Variants in MKI67 observed in about 807,000 individuals in gnomAD.
The protein encoded by MKI67 is marker of proliferation Ki-67.
Under a neutral mutation model 233.5 loss-of-function variants are expected in MKI67, and 152 were observed. That is an observed-to-expected ratio of 0.65 (90% CI 0.57 to 0.74). MKI67 has a LOEUF of 0.74. Ranked by LOEUF, MKI67 falls within the 30% of genes least tolerant of loss-of-function variation. The pLI, the probability that MKI67 is intolerant of heterozygous loss-of-function variation, is 0.00. For missense variants in MKI67, 3,940 were observed against 3,885.2 expected (o/e 1.01, Z -0.37); for synonymous variants, 1,465 against 1,418.5 (o/e 1.03, Z -0.74).
intron 12 of MKI67, 42 bp from the exon 13 acceptor site, chr10:128,109,465 C>G (rs115140786): frequency 1.3e-6 from 2 of 1,566,514 alleles, no homozygotes; most frequent in Non-Finnish European, 1.7e-6. Flanking sequence ...CTATTAGTGT[C>G]TCATGTCAAT....
chr10:128,106,971 G>C lies in MKI67; in HGVS notation c.4869C>G (p.Asp1623Glu), dbSNP rs1852515268. Residue 1623 changes from aspartate to glutamate, a missense_variant, in exon 13 of 15, where the codon GAC (aspartate) becomes GAG (glutamate). Coordinates refer to ENST00000368654, the MANE Select transcript of MKI67 (RefSeq NM_002417.5). Reference sequence around the variant, plus strand: ...GTCGCTTGGAGCTTGCTGGGTTTTTGTCTGGGTCTGGTTGTGAAGATTTGC... The same window carrying C: ...GTCGCTTGGAGCTTGCTGGGTTTTTCTCTGGGTCTGGTTGTGAAGATTTGC... ...VACKSSQPDP[D>E]KNPASSKRRL... is the part of the protein sequence containing the mutation. 1 of 1,613,886 alleles carries C rather than the reference G, an allele frequency of 6.2e-7. No individual in the cohort carries two copies. Among genetic ancestry groups the C allele is most frequent in the South Asian group, 1.1e-5 (1 of 91,070 alleles).
At chr10:128,118,006 A>G (rs1206251998) in intron 5 of MKI67, among the ~76,000 whole-genome samples, 1 of 152,200 alleles carries the variant, frequency 6.6e-6, no homozygotes, top group Non-Finnish European at 1.5e-5. Flanking sequence ...TGGTGGCTAC[A>G]GTGTGGGATG....
chr10:128,125,651 C>A lies in MKI67; in HGVS notation c.17G>T (p.Arg6Leu). The change falls in exon 2 of 15, where the codon CGC (arginine) becomes CTC (leucine). Residue 6 changes from arginine to leucine, a missense_variant. Physicochemically the swap from Arg to Leu is moderately radical, Grantham distance 102. Transcript: ENST00000368654. This position sits in a 1 kb window ranked among gnomAD's most constrained non-coding sequence, Gnocchi z 5.3. ...CCCGCTCCTTTTGATAGTAACCAGG[C>A]GTCTCGTGGGCCACATTTTCTAAAC... is the stretch of plus-strand genomic sequence containing the variant. MWPTR[R>L]LVTIKRSGVD... 6.2e-7 allele frequency: 1 copy of A among 1,613,704 alleles called. No individual in the cohort carries two copies. The highest frequency in any genetic ancestry group is 8.5e-7 in the Non-Finnish European group (1 of 1,179,816).
At position 128,101,450 on chromosome 10, in the gene MKI67, C is replaced by T. The variant is rs1401293241; in HGVS notation, c.9513G>A (p.Glu3171=). The T allele has an allele frequency of 6.2e-6, 10 of 1,614,226 alleles. No homozygotes were observed. Among genetic ancestry groups the T allele is most frequent in the Non-Finnish European group, 8.5e-6 (10 of 1,180,034 alleles). ...TCGCACTCTTCTGCCCTCCGCTCTC[C>T]TCTGCCACCTTAGGCTGGGAGCTCT... ...QNESSQPKVA[E]ESGGQKSAKV... is the part of the protein sequence containing the mutation. The change falls in exon 14 of 15, where the codon GAG becomes GAA. Residue 3171 remains glutamate (E), a synonymous_variant. Transcript: ENST00000368654.
Position 128,106,900 on chromosome 10 carries a change from A to T in MKI67, c.4940T>A (p.Leu1647Gln). The change falls in exon 13 of 15, where the codon CTA becomes CAA. Residue 1647 changes from leucine to glutamine, a missense_variant. By Grantham distance (113) the Leu-to-Gln change is moderately radical. Transcript: ENST00000368654. ...LGKVGVKEEL[L>Q]AVGKLTQTSG... is the part of the protein sequence containing the mutation. Reference sequence around the variant, plus strand: ...TGTCTGTGTGAGCTTGCCAACTGCTAGGAGCTCTTCTTTCACGCCCACTTT... The same window carrying T: ...TGTCTGTGTGAGCTTGCCAACTGCTTGGAGCTCTTCTTTCACGCCCACTTT... 2.5e-6 allele frequency: 4 copies of T among 1,614,014 alleles called. No individual in the cohort carries two copies. The highest frequency in any genetic ancestry group is 3.4e-6 in the Non-Finnish European group (4 of 1,179,998).
At position 128,099,203 on chromosome 10, in the gene MKI67, C is replaced by T; in HGVS notation, c.9758G>A (p.Ser3253Asn). 6.2e-7 allele frequency: 1 copy of T among 1,612,330 alleles called. No individual in the cohort carries two copies. Among genetic ancestry groups the T allele is most frequent in the Non-Finnish European group, 8.5e-7 (1 of 1,179,130 alleles). ...TCGATTTTTCTGTCAAATATCTTCA[C>T]TGTCCCTATGACTTCTGGTTCTTAT... ...KKIRTRSHRD[S>N]EDI Residue 3253 changes from serine (S) to asparagine (N), a missense_variant, in exon 15 of 15, where the codon AGT (serine) becomes AAT (asparagine). Physicochemically the swap from Ser to Asn is conservative, Grantham distance 46 (BLOSUM62 1). Coordinates refer to ENST00000368654, the MANE Select transcript of MKI67 (RefSeq NM_002417.5).
Position 128,102,430 on chromosome 10 carries a change from T to C in MKI67, c.9261+149A>G, listed in dbSNP as rs1852354653. 1.3e-5 allele frequency: 13 copies of C among 964,320 alleles called. No individual in the cohort carries two copies. The South Asian group carries it at 2.0e-4, about 15-fold the overall frequency. The allele number at this position is 964,320 out of a possible 1,614,324, so 59.7% of individuals were successfully genotyped here. A position where few individuals can be genotyped will look rare whatever the true frequency, so the allele number is the denominator to read the frequency against. On this transcript the variant is annotated intron_variant, in intron 13 of 14. Transcript: ENST00000368654. ...CCCTCTATAGGTCCCAAGAAGATTC[T>C]TTACCATGGCCTGCAGTTATTCAGT...
intron 7 of MKI67, 51 bp downstream of exon 7, chr10:128,114,877 T>A: frequency 3.4e-6 from 5 of 1,470,816 alleles, no homozygotes; most frequent in Non-Finnish European, 4.6e-6. Flanking sequence ...CACAGCTACA[T>A]AGAAGGTGTT....
chr10:128,103,267 A>G lies in MKI67; in HGVS notation c.8573T>C (p.Val2858Ala). Residue 2858 changes from valine to alanine, a missense_variant, in exon 13 of 15, where the codon GTT becomes GCT. Physicochemically the swap from Val to Ala is moderately conservative, Grantham distance 64 (BLOSUM62 0). Coordinates refer to ENST00000368654, the MANE Select transcript of MKI67 (RefSeq NM_002417.5). ...KVEVKEELLA[V>A]GKLTQTSGET... is the part of the protein sequence containing the mutation. ...CCCTGAGGTTTGTGTGAGCTTGCCA[A>G]CTGCTAACAGCTCCTCCTTCACTTC... The G allele has an allele frequency of 6.2e-7, 1 of 1,613,980 alleles. No individual in the cohort carries two copies. The highest frequency in any genetic ancestry group is 8.5e-7 in the Non-Finnish European group (1 of 1,179,950).
In MKI67 at chr10:128,099,115, A is replaced by C. The variant is rs1317011399; in HGVS notation, c.*75T>G. 3.2e-5 allele frequency: 38 copies of C among 1,184,388 alleles called. No homozygotes were observed. In the South Asian group the frequency reaches 4.0e-4, roughly 12 times the overall value. The allele number at this position is 1,184,388 out of a possible 1,614,324, so 73.4% of individuals were successfully genotyped here. On this transcript the variant is annotated 3_prime_UTR_variant, in exon 15 of 15. Transcript: ENST00000368654. ...AGCCTTACTTACAGAATTCACTTGT[A>C]ATTTATGACAAAAACTGCACTAGAA...
In MKI67 at chr10:128,106,911, T is replaced by C. The variant is rs750413780; in HGVS notation, c.4929A>G (p.Lys1643=). The change falls in exon 13 of 15, where the codon AAA becomes AAG. Residue 1643 remains lysine, a synonymous_variant. Transcript: ENST00000368654. The stretch of plus-strand genomic sequence containing the variant: ...GCTTGCCAACTGCTAGGAGCTCTTC[T>C]TTCACGCCCACTTTCCCCAGGGATG... ...LKTSLGKVGV[K]EELLAVGKLT... The C allele has an allele frequency of 3.7e-6, 6 of 1,614,158 alleles. No homozygotes were observed. The East Asian group carries it at 8.9e-5, about 24-fold the overall frequency.
rs1167360643 is a variant in MKI67 at position 128,096,887 on chromosome 10, A to G, written c.*2303T>C. ...ACCTGCCCCAGCCTGGAGGACAGGC[A>G]TGGGGGTGAGGGAACCCACAGGCAA... On this transcript the variant is annotated 3_prime_UTR_variant, in exon 15 of 15. Transcript: ENST00000368654. 1 of 152,330 alleles carries G rather than the reference A, an allele frequency of 6.6e-6. No individual in the cohort carries two copies. The highest frequency in any genetic ancestry group is 2.4e-5 in the African/African-American group (1 of 41,464). The allele number at this position is 152,330 out of a possible 1,614,324, so 9.4% of individuals were successfully genotyped here.
chr10:128,104,142 G>C lies in MKI67; in HGVS notation c.7698C>G (p.Phe2566Leu), dbSNP rs1304950946. ...ACTCTTCAGTGTGACCTGGTGCTGA[G>C]AAGAGCTCTTTGAAGTCAACCAGGT... The part of the protein sequence containing the change: ...LEDLVDFKEL[F>L]SAPGHTEESM... The change falls in exon 13 of 15, where the codon TTC (phenylalanine) becomes TTG (leucine). Residue 2566 changes from phenylalanine to leucine, a missense_variant. Transcript: ENST00000368654. The C allele has an allele frequency of 6.2e-7, 1 of 1,613,898 alleles. No individual in the cohort carries two copies. Among genetic ancestry groups the C allele is most frequent in the Non-Finnish European group, 8.5e-7 (1 of 1,179,972 alleles).
chr10:128,110,167 G>A (rs573494048), intron 12 of MKI67, among the ~76,000 whole-genome samples: 11 of 152,164 alleles, frequency 7.2e-5, no homozygotes, highest in Admixed American at 2.6e-4. Flanking sequence ...ACACATTAAC[G>A]GAGTCTTTCT....
At position 128,108,400 on chromosome 10, in the gene MKI67, G is replaced by A; in HGVS notation, c.3440C>T (p.Pro1147Leu). 1.2e-6 allele frequency: 2 copies of A among 1,614,130 alleles called. No homozygotes were observed. Among genetic ancestry groups the A allele is most frequent in the Non-Finnish European group, 1.7e-6 (2 of 1,180,028 alleles). The change falls in exon 13 of 15, where the codon CCT becomes CTT. Residue 1147 changes from proline (P) to leucine (L), a missense_variant. Transcript: ENST00000368654. ...ATCTGCTTTCCTGAGACTTCTCTTA[G>A]GCCATTGCTTTGTGCTTGTTGGAGT... ...VDTPTSTKQW[P>L]KRSLRKADVE...
Position 128,125,589 on chromosome 10 carries a change from A to T in MKI67, c.79T>A (p.Cys27Ser), listed in dbSNP as rs1853037937. Residue 27 changes from cysteine (C) to serine (S), a missense_variant, in exon 2 of 15, where the codon TGC becomes AGC. By Grantham distance (112) the Cys-to-Ser change is moderately radical. Transcript: ENST00000368654. This position sits in a 1 kb window ranked among gnomAD's most constrained non-coding sequence, Gnocchi z 5.3. ...GPHFPLSLST[C>S]LFGRGIECDI... ...CGCGGGGCTCACCTTCCAAACAAGC[A>T]GGTGCTGAGGCTCAGGGGAAAGTGG... 8 of 1,613,110 alleles carry T rather than the reference A, an allele frequency of 5.0e-6. No homozygotes were observed. Among genetic ancestry groups the T allele is most frequent in the Non-Finnish European group, 6.8e-6 (8 of 1,179,690 alleles).
At position 128,106,460 on chromosome 10, in the gene MKI67, C is replaced by A. The variant is rs778474119; in HGVS notation, c.5380G>T (p.Asp1794Tyr). The change falls in exon 13 of 15, where the codon GAC becomes TAC. Residue 1794 changes from aspartate to tyrosine, a missense_variant. Coordinates refer to ENST00000368654, the MANE Select transcript of MKI67 (RefSeq NM_002417.5). Reference protein sequence around the residue: ...TPKPAVGEEKDINTFLGTPVQ... With the variant: ...TPKPAVGEEKYINTFLGTPVQ... ...GGAGTTCCCAAAAACGTGTTGATGT[C>A]TTTCTCTTCACCTACTGCTGGTTTG... 6 of 1,613,554 alleles carry A rather than the reference C, an allele frequency of 3.7e-6. 1 individual carries two copies. The highest frequency in any genetic ancestry group is 5.1e-6 in the Non-Finnish European group (6 of 1,179,900).
At chr10:128,113,648 C>G in intron 7 of MKI67, 46 bp from the exon 8 acceptor site, 3 of 1,547,058 alleles carry the variant, frequency 1.9e-6, no homozygotes, top group Non-Finnish European at 2.7e-6. Context: ...AAAAAACATA[C>G]CAAGACTAGT....
At chr10:128,109,706 T>G (rs1049501810) in intron 12 of MKI67, among the ~76,000 whole-genome samples, 3 of 152,224 alleles carry the variant, frequency 2.0e-5, no homozygotes, top group Non-Finnish European at 4.4e-5. Context: ...AAGGTTGCCA[T>G]GCCCTGTGTC....
Sources: gnomAD v4.1 joint callset for allele counts (sites outside exome capture counted in the v4.1 genomes callset) on GRCh38, gnomAD v4.1.1 for gene constraint, Gnocchi (gnomAD v3.1) non-coding constraint, MANE v1.5 for transcripts, NCBI Gene and HGNC (gene_info 2026-07-23, HGNC 2026-07-21) for gene names.